Variants in PROSER3 observed in about 807,000 individuals in gnomAD.
PROSER3 encodes proline and serine rich 3.
PROSER3 carries 33 observed loss-of-function variants against 50.2 expected under a neutral mutation model. The ratio of observed to expected loss-of-function variants is 0.66; its 90% CI spans 0.50 to 0.88. PROSER3 has a LOEUF of 0.88. PROSER3 is among the 40% of genes least tolerant of loss of function. The probability of loss-of-function intolerance (pLI) is 0.00; values close to 1 mark genes in which losing one functional copy is unlikely to be tolerated. For synonymous variants in PROSER3, 266 were observed against 259.3 expected, an observed-to-expected ratio of 1.03 and a Z score of -0.25; for missense variants, 623 against 612.7, an observed-to-expected ratio of 1.02 and a Z score of -0.18.
At chr19:35,771,160 G>C (rs1971304696), downstream of PROSER3, 1 of 152,030 alleles carries the variant, frequency 6.6e-6, no homozygotes, top group South Asian at 2.1e-4. Flanking sequence ...AGCCAGATGT[G>C]GTGGCACACG....
chr19:35,762,733 A>T lies in PROSER3; in HGVS notation c.543+377A>T, dbSNP rs1016584454. On this transcript the variant is annotated intron_variant, in intron 5 of 10. Transcript: ENST00000396908. ...AGAGCAAGACCCTGTCTCTATTTAA[A>T]AAAAAAAAAAAAAAAAAAGCCTGGG... 777 of 142,142 alleles carry T rather than the reference A, an allele frequency of 5.5e-3. 10 individuals are homozygous for T. The highest frequency in any genetic ancestry group is 0.019 in the African/African-American group (677 of 35,982). 8.8% of individuals were successfully genotyped at this position (142,142 alleles called of 1,614,324 possible).
exon 9 of PROSER3, chr19:35,767,873 C>T (rs1400958259): frequency 1.9e-6 from 3 of 1,613,194 alleles, no homozygotes; most frequent in South Asian, 1.1e-5. Context: ...CGAAGCCACT[C>T]CTTCCCCTGG....
chr19:35,768,502 T>G, exon 11 of PROSER3: 1 of 1,597,918 alleles, frequency 6.3e-7, no homozygotes, highest in Non-Finnish European at 8.5e-7. Context: ...CCAAGGAGGC[T>G]GCTAAGAAGG....
chr19:35,758,686 A>G (rs1970851940), intron 1 of PROSER3: 1 of 158,460 alleles, frequency 6.3e-6, no homozygotes, highest in African/African-American at 2.4e-5. Context: ...TTTTTTTTTA[A>G]GACAGAGTCT....
At chr19:35,759,908 C>G in exon 3 of PROSER3, 1 of 1,603,326 alleles carries the variant, frequency 6.2e-7, no homozygotes, top group Non-Finnish European at 8.5e-7. Context: ...CAGGGACCCC[C>G]TCCCTGCCCA....
chr19:35,759,727 C>T, intron 2 of PROSER3, 62 bp from the exon 3 acceptor site: 1 of 1,432,758 alleles, frequency 7.0e-7, no homozygotes, highest in Non-Finnish European at 9.6e-7. Context: ...GTCCTGGTTC[C>T]CCTGCAGGGA....
At chr19:35,766,116 T>C (rs1971133474) in intron 7 of PROSER3, among the ~76,000 whole-genome samples, 1 of 152,036 alleles carries the variant, frequency 6.6e-6, no homozygotes. Flanking sequence ...AGGGAGGCTA[T>C]TTAAGAGTCC....
exon 11 of PROSER3, chr19:35,768,886 G>A (rs982500385): frequency 1.1e-5 from 2 of 184,278 alleles, no homozygotes; most frequent in African/African-American, 2.4e-5. Flanking sequence ...AGGGTCATCA[G>A]AGTGTTGGAT....
intron 8 of PROSER3, chr19:35,767,506 C>T (rs1350610237): frequency 6.8e-6 from 3 of 443,030 alleles, no homozygotes; most frequent in Non-Finnish European, 1.2e-5. Flanking sequence ...GCCTGCCCAT[C>T]CCTGACCCAA....
At chr19:35,759,078 A>G in intron 1 of PROSER3, 1 of 320,384 alleles carries the variant, frequency 3.1e-6, no homozygotes, top group Non-Finnish European at 5.8e-6. Flanking sequence ...GTTGGTCTGG[A>G]ATGGGAACCG....
At chr19:35,768,771 T>A in exon 11 of PROSER3, 1 of 420,908 alleles carries the variant, frequency 2.4e-6, no homozygotes, top group Non-Finnish European at 3.8e-6. Flanking sequence ...GCAGAGGGAG[T>A]TTCAGACAAG....
At chr19:35,762,065 C>T (rs369978345) in exon 4 of PROSER3, 48 of 1,610,974 alleles carry the variant, frequency 3.0e-5, no homozygotes, top group East Asian at 2.2e-4. Context: ...TCGAGAGGAG[C>T]GCCAGCCTGC....
intron 8 of PROSER3, chr19:35,767,079 C>G (rs1467938553): frequency 1.6e-6 from 2 of 1,239,498 alleles, no homozygotes; most frequent in Admixed American, 5.5e-5. Flanking sequence ...CAGACCTCTC[C>G]TGCTCCAGTG....
intron 3 of PROSER3, among the ~76,000 whole-genome samples, chr19:35,761,522 C>T (rs1970952111): frequency 6.6e-6 from 1 of 151,946 alleles, no homozygotes; most frequent in Non-Finnish European, 1.5e-5. Flanking sequence ...ATTAGCCGGG[C>T]GTGGTGGTGC....
chr19:35,759,332 G>A (rs1423248409), intron 1 of PROSER3, 42 bp from the exon 2 acceptor site: 3 of 1,548,280 alleles, frequency 1.9e-6, no homozygotes, highest in Non-Finnish European at 2.7e-6. Flanking sequence ...CCAGGGCTGC[G>A]GCGAAACCAC....
At chr19:35,758,460 G>T (rs2146543568) in intron 1 of PROSER3, 1 of 436,116 alleles carries the variant, frequency 2.3e-6, no homozygotes, top group South Asian at 5.6e-5. Flanking sequence ...AGGAATTATT[G>T]CCTCTAAAGG....
exon 4 of PROSER3, chr19:35,762,095 T>C (rs1291767589): frequency 6.2e-7 from 1 of 1,610,790 alleles, no homozygotes. Context: ...CCCAGCTGAC[T>C]TTTGGTGGCT....
At chr19:35,760,818 G>A (rs1481973119) in intron 3 of PROSER3, among the ~76,000 whole-genome samples, 1 of 152,166 alleles carries the variant, frequency 6.6e-6, no homozygotes, top group African/African-American at 2.4e-5. Flanking sequence ...ACATCCCCTA[G>A]GGCTGTTTTG....
chr19:35,762,170 T>C (rs772111065), intron 4 of PROSER3, 24 bp downstream of exon 4: 2 of 1,589,196 alleles, frequency 1.3e-6, no homozygotes, highest in South Asian at 1.1e-5. Context: ...TGCCATCCAC[T>C]ACTCCCACCC....
Sources: allele counts gnomAD v4.1 joint callset (sites outside exome capture counted in the v4.1 genomes callset), GRCh38; gene constraint gnomAD v4.1.1; transcripts MANE v1.5; gene names NCBI Gene and HGNC (gene_info 2026-07-23, HGNC 2026-07-21).